Variants in ASCC2 observed in about 807,000 individuals in gnomAD.
ASCC2 encodes the protein ASC-1 complex subunit P100.
A neutral mutation model predicts 93.5 loss-of-function variants in ASCC2; 42 were observed. That is an observed-to-expected ratio of 0.45 (90% CI 0.35 to 0.58). ASCC2 has a LOEUF of 0.58. Among genes scored for constraint, ASCC2 ranks in the 20% least tolerant of loss-of-function variants. ASCC2 has a pLI of 0.00. For synonymous variants in ASCC2, 364 were observed against 384.2 expected, an observed-to-expected ratio of 0.95 and a Z score of 0.62; for missense variants, 859 against 977.6, an observed-to-expected ratio of 0.88 and a Z score of 1.62.
intron 12 of ASCC2, among the ~76,000 whole-genome samples, chr22:29,805,722 C>T (rs2059597785): frequency 1.3e-5 from 2 of 152,070 alleles, no homozygotes; most frequent in African/African-American, 4.8e-5. Flanking sequence ...TTTTCTCTGT[C>T]CTCTGTCCAC....
chr22:29,792,626 GC>G, intron 17 of ASCC2, 91 bp from the exon 18 acceptor site: 1 of 1,537,742 alleles, frequency 6.5e-7, no homozygotes, highest in Non-Finnish European at 8.9e-7. Context: ...GTGAGATGGG[GC>G]CGCCAGGAGG....
intron 12 of ASCC2, among the ~76,000 whole-genome samples, chr22:29,805,904 T>A (rs1231419320): frequency 6.6e-6 from 1 of 151,794 alleles, no homozygotes; most frequent in Non-Finnish European, 1.5e-5. Flanking sequence ...ACACTCTATC[T>A]AACTGCCTGT....
At chr22:29,829,850 G>A (rs891205394) in intron 2 of ASCC2, among the ~76,000 whole-genome samples, 8 of 152,262 alleles carry the variant, frequency 5.3e-5, no homozygotes, top group African/African-American at 1.9e-4. Context: ...GGGTCTTCAA[G>A]TATGTGCTAT....
chr22:29,817,064 A>G (rs2060946762), intron 5 of ASCC2, among the ~76,000 whole-genome samples: 1 of 152,208 alleles, frequency 6.6e-6, no homozygotes, highest in Non-Finnish European at 1.5e-5. Context: ...TTCAAAAACC[A>G]GATGGGGCTG....
chr22:29,818,371 C>A (rs1262792563), intron 5 of ASCC2, among the ~76,000 whole-genome samples: 1 of 107,622 alleles, frequency 9.3e-6, no homozygotes, highest in Non-Finnish European at 2.1e-5. Flanking sequence ...CAGACAGAAA[C>A]TGCAGGTCCC....
At chr22:29,828,728 T>C (rs1276118233) in intron 2 of ASCC2, among the ~76,000 whole-genome samples, 1 of 151,998 alleles carries the variant, frequency 6.6e-6, no homozygotes, top group East Asian at 1.9e-4. Flanking sequence ...TTCAGATCAG[T>C]GGTTTGGATG....
At chr22:29,790,824 T>C (rs2057638121) in intron 18 of ASCC2, among the ~76,000 whole-genome samples, 1 of 152,186 alleles carries the variant, frequency 6.6e-6, no homozygotes. Flanking sequence ...ACCATAGTTA[T>C]GGCATAACAA....
chr22:29,825,758 C>G lies in ASCC2; in HGVS notation c.104G>C (p.Arg35Pro), dbSNP rs376359428. The G allele has an allele frequency of 3.1e-6, 5 of 1,611,154 alleles. No homozygotes were observed. Among genetic ancestry groups the G allele is most frequent in the Non-Finnish European group, 4.2e-6 (5 of 1,177,508 alleles). Residue 35 changes from arginine to proline, a missense_variant, in exon 3 of 20, where the codon CGG becomes CCG. Coordinates refer to ENST00000307790, the MANE Select transcript of ASCC2 (RefSeq NM_032204.5). This position sits in a 1 kb window ranked among gnomAD's most constrained non-coding sequence, Gnocchi z 4.9. ...GGGCGGTTTGTATAACACAAAATACCGGTCTGCCTTCTGCTCGGGGTGCTA... is the reference window on the plus strand; with the variant it reads ...GGGCGGTTTGTATAACACAAAATACGGGTCTGCCTTCTGCTCGGGGTGCTA... ...PALHPEQKAD[R>P]YFVLYKPPPK...
At position 29,808,111 on chromosome 22, in the gene ASCC2, T is replaced by C; in HGVS notation, c.908A>G (p.Lys303Arg). The C allele has an allele frequency of 6.2e-7, 1 of 1,614,204 alleles. No individual in the cohort carries two copies. Among genetic ancestry groups the C allele is most frequent in the Non-Finnish European group, 8.5e-7 (1 of 1,180,016 alleles). The stretch of plus-strand genomic sequence containing the variant: ...ATTCTTAATTTTGTCCCCGCCTCAC[T>C]TGCTATCTTCAAGCCTCCTCTTCTT... ...AIKKRRLEDS[K>R]LLGDLWQRLS... The change falls in exon 9 of 20, where the codon AAG (lysine) becomes AGG (arginine). Residue 303 changes from lysine to arginine, a missense_variant and splice_region_variant. By Grantham distance (26) the Lys-to-Arg change is conservative. Coordinates refer to ENST00000307790, the MANE Select transcript of ASCC2 (RefSeq NM_032204.5).
intron 10 of ASCC2, 117 bp downstream of exon 10, chr22:29,806,680 C>A: frequency 1.4e-6 from 2 of 1,418,806 alleles, no homozygotes; most frequent in East Asian, 2.3e-5. Context: ...CTTGGTTTCT[C>A]ATCTCTGTTC....
rs990717899 is a variant in ASCC2 at position 29,808,104 on chromosome 22, G to A, written c.908+7C>T. 3.1e-6 allele frequency: 5 copies of A among 1,614,042 alleles called. No homozygotes were observed. Among genetic ancestry groups the A allele is most frequent in the East Asian group, 4.5e-5 (2 of 44,886 alleles). ...CAACAACATTCTTAATTTTGTCCCCGCCTCACTTGCTATCTTCAAGCCTCC... is the reference window on the plus strand; with the variant it reads ...CAACAACATTCTTAATTTTGTCCCCACCTCACTTGCTATCTTCAAGCCTCC... On this transcript the variant is annotated splice_region_variant and intron_variant, in intron 9 of 19. Transcript: ENST00000307790.
At chr22:29,795,988 CT>C (rs1369876475) in intron 15 of ASCC2, among the ~76,000 whole-genome samples, 3 of 152,086 alleles carry the variant, frequency 2.0e-5, no homozygotes, top group African/African-American at 7.2e-5. Flanking sequence ...TATTAACTGG[CT>C]TTTGGTGCAG....
At chr22:29,791,820 CCT>C (rs201302858) in intron 18 of ASCC2, among the ~76,000 whole-genome samples, 1,555 of 152,306 alleles carry the variant, frequency 0.01, 25 homozygotes, top group African/African-American at 0.036. Context: ...CCGAGGAGCC[CCT>C]GAGGCAGGGC....
At chr22:29,806,382 C>T (rs1394022014) in intron 11 of ASCC2, 92 bp from the exon 12 acceptor site, 13 of 1,571,752 alleles carry the variant, frequency 8.3e-6, no homozygotes, top group African/African-American at 1.4e-5. Flanking sequence ...TGCAGCCCGA[C>T]CTTATTAGAG....
Position 29,832,313 on chromosome 22 carries a change from G to T in ASCC2, c.13C>A (p.Pro5Thr). Residue 5 changes from proline to threonine, a missense_variant, in exon 2 of 20, where the codon CCC becomes ACC. Pro to Thr is a conservative substitution (Grantham distance 38). Coordinates refer to ENST00000307790, the MANE Select transcript of ASCC2 (RefSeq NM_032204.5). MPAL[P>T]LDQLQITHKD... Reference sequence around the variant, plus strand: ...TGGGTGATCTGGAGTTGGTCCAGGGGCAGAGCTGGCATTGTGCTGCGTGAC... The same window carrying T: ...TGGGTGATCTGGAGTTGGTCCAGGGTCAGAGCTGGCATTGTGCTGCGTGAC... The T allele has an allele frequency of 4.3e-6, 7 of 1,613,822 alleles. No homozygotes were observed. The highest frequency in any genetic ancestry group is 5.9e-6 in the Non-Finnish European group (7 of 1,179,802).
chr22:29,806,874 G>C lies in ASCC2; in HGVS notation c.939C>G (p.Ser313=). The change falls in exon 10 of 20, where the codon TCC becomes TCG. Residue 313 remains serine, a synonymous_variant. Transcript: ENST00000307790. ...TCTCCATTAGCTTCTTCCTGGAATG[G>C]GAGAGCCTCTGCCACAGGTCACCAA... ...KLLGDLWQRL[S]HSRKKLMEIF... is the part of the protein sequence containing the mutation. 1.9e-6 allele frequency: 3 copies of C among 1,613,960 alleles called. No homozygotes were observed. Among genetic ancestry groups the C allele is most frequent in the Non-Finnish European group, 2.5e-6 (3 of 1,179,936 alleles).
chr22:29,803,628 C>G (rs550192114), intron 13 of ASCC2, among the ~76,000 whole-genome samples: 76 of 152,332 alleles, frequency 5.0e-4, no homozygotes, highest in African/African-American at 1.5e-3. Context: ...TGTGGAGATG[C>G]TCCCCTTTAA....
chr22:29,829,915 T>G (rs189712876), intron 2 of ASCC2, among the ~76,000 whole-genome samples: 20 of 152,138 alleles, frequency 1.3e-4, no homozygotes, highest in Non-Finnish European at 2.5e-4. Flanking sequence ...AAAGGTGGTG[T>G]GGTAACTACC....
At chr22:29,822,259 C>A in intron 5 of ASCC2, 76 bp downstream of exon 5, 2 of 1,588,940 alleles carry the variant, frequency 1.3e-6, no homozygotes, top group Admixed American at 1.7e-5. Flanking sequence ...ACTGTCAAAG[C>A]GCTGGCCTTT....
Sources: allele counts gnomAD v4.1 joint callset (sites outside exome capture counted in the v4.1 genomes callset), GRCh38; gene constraint gnomAD v4.1.1; non-coding constraint Gnocchi (gnomAD v3.1); transcripts MANE v1.5; gene names NCBI Gene and HGNC (gene_info 2026-07-23, HGNC 2026-07-21).